Variants in CNTN4 observed in about 807,000 individuals in gnomAD.
CNTN4 encodes contactin 4.
CNTN4 carries 77 observed loss-of-function variants against 122.5 expected under a neutral mutation model. The ratio of observed to expected loss-of-function variants is 0.63; its 90% CI spans 0.52 to 0.76. The LOEUF (loss-of-function observed/expected upper bound fraction) is 0.76. Ranked by LOEUF, CNTN4 falls within the 30% of genes least tolerant of loss-of-function variation. The pLI is 0.00. For synonymous variants in CNTN4, 512 were observed against 447.0 expected (o/e 1.15, Z -1.83); for missense variants, 1,256 against 1,259.1 (o/e 1.00, Z 0.04).
chr3:2,325,513 A>C (rs1280893780), intron 2 of CNTN4, among the ~76,000 whole-genome samples: 1 of 152,224 alleles, frequency 6.6e-6, no homozygotes, highest in Non-Finnish European at 1.5e-5. Context: ...CTGAGTCTTC[A>C]TCAAGTTCTT....
intron 4 of CNTN4, among the ~76,000 whole-genome samples, chr3:2,648,365 A>T (rs2083220463): frequency 6.6e-6 from 1 of 152,166 alleles, no homozygotes; most frequent in South Asian, 2.1e-4. Context: ...CACTGCATCG[A>T]GCAAGTCTAC....
intron 2 of CNTN4, among the ~76,000 whole-genome samples, chr3:2,207,240 C>T (rs897442728): frequency 2.6e-5 from 4 of 151,842 alleles, no homozygotes; most frequent in Non-Finnish European, 4.4e-5. Flanking sequence ...GAAATTAGGC[C>T]GATTAATAAC....
chr3:2,382,087 G>A (rs1575508415), intron 3 of CNTN4, among the ~76,000 whole-genome samples: 1 of 151,972 alleles, frequency 6.6e-6, no homozygotes, highest in Admixed American at 6.6e-5. Context: ...TATGTTTAAA[G>A]TGGACCACTC....
intron 13 of CNTN4, among the ~76,000 whole-genome samples, chr3:2,967,167 A>G (rs1692405259): frequency 6.6e-6 from 1 of 152,032 alleles, no homozygotes; most frequent in African/African-American, 2.4e-5. Flanking sequence ...AGGAGTTCTG[A>G]TTGGTTGAGT....
intron 3 of CNTN4, among the ~76,000 whole-genome samples, chr3:2,504,422 ATC>A (rs2076679227): frequency 6.6e-6 from 1 of 152,166 alleles, no homozygotes; most frequent in African/African-American, 2.4e-5. Context: ...CCTCAATGGC[ATC>A]TGTTGCCACC....
intron 4 of CNTN4, among the ~76,000 whole-genome samples, chr3:2,726,941 T>C (rs191943009): frequency 6.6e-5 from 10 of 152,294 alleles, no homozygotes; most frequent in African/African-American, 2.4e-4. Flanking sequence ...AGGCAAACTC[T>C]CTGTGCTCTG....
At chr3:2,975,760 GT>G (rs1247225376) in intron 13 of CNTN4, among the ~76,000 whole-genome samples, 3 of 151,826 alleles carry the variant, frequency 2.0e-5, no homozygotes, top group Non-Finnish European at 4.4e-5. Flanking sequence ...ATATTTTAAT[GT>G]TTTTTTCTCA....
chr3:2,381,265 C>G (rs965665312), intron 3 of CNTN4, among the ~76,000 whole-genome samples: 3 of 152,178 alleles, frequency 2.0e-5, no homozygotes, highest in Non-Finnish European at 4.4e-5. Flanking sequence ...CTCGGCCTCC[C>G]AAAGTGCTGG....
intron 2 of CNTN4, among the ~76,000 whole-genome samples, chr3:2,306,726 C>G (rs1174859099): frequency 6.6e-6 from 1 of 152,084 alleles, no homozygotes; most frequent in Non-Finnish European, 1.5e-5. Context: ...AATCTTAACA[C>G]TAGTAAATAT....
At chr3:2,947,200 G>A (rs1413150144) in intron 13 of CNTN4, among the ~76,000 whole-genome samples, 1 of 152,130 alleles carries the variant, frequency 6.6e-6, no homozygotes, top group Non-Finnish European at 1.5e-5. Flanking sequence ...TTTTGCGTCT[G>A]TTTCTCTATC....
At chr3:2,708,062 G>A (rs1448109438) in intron 4 of CNTN4, among the ~76,000 whole-genome samples, 1 of 152,116 alleles carries the variant, frequency 6.6e-6, no homozygotes, top group African/African-American at 2.4e-5. Flanking sequence ...TTTGGATGCT[G>A]AGAAAACAAA....
chr3:2,901,008 C>G (rs2094166986), intron 11 of CNTN4, among the ~76,000 whole-genome samples, 187 bp downstream of exon 11: 1 of 152,194 alleles, frequency 6.6e-6, no homozygotes, highest in African/African-American at 2.4e-5. Flanking sequence ...AGTTCTCCAG[C>G]TTTCAATTAA....
intron 6 of CNTN4, among the ~76,000 whole-genome samples, chr3:2,782,058 G>A (rs1365154245): frequency 6.6e-6 from 1 of 151,916 alleles, no homozygotes; most frequent in East Asian, 1.9e-4. Flanking sequence ...GCCATAAGAG[G>A]TTGTGGAGAC....
intron 3 of CNTN4, among the ~76,000 whole-genome samples, chr3:2,432,606 G>A (rs140503734): frequency 5.5e-4 from 83 of 151,828 alleles, no homozygotes; most frequent in Non-Finnish European, 4.3e-4. Flanking sequence ...GTGTGTGTGC[G>A]TGTGTGTATG....
chr3:2,206,044 T>C (rs1313183054), intron 2 of CNTN4, among the ~76,000 whole-genome samples: 4 of 152,108 alleles, frequency 2.6e-5, no homozygotes, highest in African/African-American at 9.7e-5. Context: ...TACTGACAGG[T>C]GAGAGTGTTT....
At chr3:2,459,284 A>C (rs1328588668) in intron 3 of CNTN4, among the ~76,000 whole-genome samples, 2 of 152,064 alleles carry the variant, frequency 1.3e-5, no homozygotes, top group Admixed American at 1.3e-4. Context: ...ACCTAATTTT[A>C]TGAGTTGTAT....
chr3:2,164,689 G>A (rs2727927), intron 2 of CNTN4, among the ~76,000 whole-genome samples: 106,417 of 151,862 alleles, frequency 0.7, 37,488 homozygotes, highest in Admixed American at 0.74. Flanking sequence ...TTTCTCATCT[G>A]CCACAGAAAA....
intron 2 of CNTN4, among the ~76,000 whole-genome samples, chr3:2,264,724 C>T (rs145895924): frequency 1.4e-3 from 218 of 152,116 alleles, no homozygotes; most frequent in African/African-American, 5.0e-3. Flanking sequence ...TGTTCTGTAT[C>T]ATTTCCTCTG....
intron 2 of CNTN4, among the ~76,000 whole-genome samples, chr3:2,269,029 G>A (rs1270434930): frequency 6.6e-6 from 1 of 152,154 alleles, no homozygotes; most frequent in African/African-American, 2.4e-5. Flanking sequence ...ATAGGCATCT[G>A]TCGAAATGTC....
Sources: allele counts gnomAD v4.1 joint callset (sites outside exome capture counted in the v4.1 genomes callset), GRCh38; gene constraint gnomAD v4.1.1; transcripts MANE v1.5; gene names NCBI Gene and HGNC (gene_info 2026-07-23, HGNC 2026-07-21).